Variants in GHR observed in about 807,000 individuals in gnomAD.
The protein encoded by GHR is growth hormone receptor, also known as GH receptor.
A neutral mutation model predicts 67.1 loss-of-function variants in GHR; 35 were observed. That is an observed-to-expected ratio of 0.52 (90% confidence interval 0.40 to 0.69). The LOEUF is 0.69. Ranked by LOEUF, GHR falls within the 30% of genes least tolerant of loss-of-function variation. GHR has a pLI of 0.00. For missense variants in GHR, 792 were observed against 764.6 expected (o/e 1.04, Z -0.42); for synonymous variants, 272 against 269.1 (o/e 1.01, Z -0.10).
chr5:42,423,511 C>T lies in GHR; in HGVS notation c.-456C>T, dbSNP rs945186397. 1.3e-5 allele frequency among the ~76,000 whole-genome samples: 2 copies of T among 152,216 alleles called. No homozygotes were observed. Among genetic ancestry groups the T allele is most frequent in the African/African-American group, 4.8e-5 (2 of 41,466 alleles). ...CATCCCAGCAACTCGGAATGCTTGG[C>T]CCGGGCGGCACTCGGCCTCTCCGCA... On this transcript the variant is annotated 5_prime_UTR_variant, in exon 1 of 10. Coordinates refer to ENST00000230882, the MANE Select transcript of GHR (RefSeq NM_000163.5).
At chr5:42,482,889 C>T (rs1379980912) in intron 1 of GHR, among the ~76,000 whole-genome samples, 1 of 152,198 alleles carries the variant, frequency 6.6e-6, no homozygotes, top group Non-Finnish European at 1.5e-5. Flanking sequence ...ACCCACTGTC[C>T]TGCACCCACT....
chr5:42,679,135 ATATAT>A (rs1310698933), intron 3 of GHR, among the ~76,000 whole-genome samples: 15 of 139,884 alleles, frequency 1.1e-4, no homozygotes, highest in Admixed American at 7.3e-4. Context: ...ATATTAATTA[ATATAT>A]TATATATTGT....
chr5:42,717,783 A>G (rs1758790303), intron 8 of GHR, among the ~76,000 whole-genome samples: 1 of 152,042 alleles, frequency 6.6e-6, no homozygotes, highest in Non-Finnish European at 1.5e-5. Flanking sequence ...CATTAAGAAA[A>G]AAACAATTGT....
intron 6 of GHR, among the ~76,000 whole-genome samples, chr5:42,709,690 A>G (rs748951844): frequency 1.3e-5 from 2 of 152,190 alleles, no homozygotes; most frequent in Non-Finnish European, 2.9e-5. Flanking sequence ...AATTTGCACA[A>G]TGAAACATAA....
chr5:42,655,612 T>G (rs1755216798), intron 3 of GHR, among the ~76,000 whole-genome samples: 1 of 152,184 alleles, frequency 6.6e-6, no homozygotes, highest in Non-Finnish European at 1.5e-5. Flanking sequence ...TATGTTTACA[T>G]ATTTGTAAGT....
chr5:42,458,485 G>C (rs915556888), intron 1 of GHR, among the ~76,000 whole-genome samples: 2 of 152,084 alleles, frequency 1.3e-5, no homozygotes, highest in African/African-American at 4.8e-5. Context: ...ACTTGAGATA[G>C]ATTAAAAACT....
At chr5:42,662,905 A>C (rs564970326) in intron 3 of GHR, among the ~76,000 whole-genome samples, 2 of 152,226 alleles carry the variant, frequency 1.3e-5, no homozygotes, top group Non-Finnish European at 2.9e-5. Flanking sequence ...AAAAATGATA[A>C]AGAGGATATC....
intron 5 of GHR, among the ~76,000 whole-genome samples, 162 bp downstream of exon 5, chr5:42,695,251 G>A (rs1344155206): frequency 6.6e-6 from 1 of 152,186 alleles, no homozygotes; most frequent in African/African-American, 2.4e-5. Flanking sequence ...TGAACAAGAG[G>A]AAAAGGGCAG....
chr5:42,686,392 C>A (rs1367296456), intron 3 of GHR, among the ~76,000 whole-genome samples: 2 of 152,036 alleles, frequency 1.3e-5, no homozygotes, highest in African/African-American at 2.4e-5. Flanking sequence ...AAATTTTAGA[C>A]CAATATCCCT....
At chr5:42,679,155 T>A (rs948491937) in intron 3 of GHR, among the ~76,000 whole-genome samples, 6 of 145,650 alleles carry the variant, frequency 4.1e-5, no homozygotes, top group Non-Finnish European at 9.0e-5. Flanking sequence ...TATTGTATAT[T>A]ATATATTAAT....
At position 42,534,124 on chromosome 5, in the gene GHR, A is replaced by G. The variant is rs530878146; in HGVS notation, c.-11-31740A>G. ...TATGTACGTATGTATATATGTATGT[A>G]TATATATGTACATATGTATATATGT... is the stretch of plus-strand genomic sequence containing the variant. On this transcript the variant is annotated intron_variant, in intron 1 of 9. Transcript: ENST00000230882. 5.0e-5 allele frequency among the ~76,000 whole-genome samples: 7 copies of G among 140,136 alleles called. No individual in the cohort carries two copies. The South Asian group carries it at 1.1e-3, about 22-fold the overall frequency. 91.9% of individuals were successfully genotyped at this position (140,136 alleles called of 152,430 possible). A position where few individuals can be genotyped will look rare whatever the true frequency, so the allele number is the denominator to read the frequency against.
At chr5:42,514,338 C>CACCA in intron 1 of GHR, 1 of 980,626 alleles carries the variant, frequency 1.0e-6, no homozygotes, top group Non-Finnish European at 1.2e-6. Flanking sequence ...TTGTTGAGAT[C>CACCA]TCCAGCCTTG....
intron 1 of GHR, among the ~76,000 whole-genome samples, chr5:42,508,757 G>T (rs549950674): frequency 6.4e-4 from 98 of 152,178 alleles, no homozygotes; most frequent in African/African-American, 2.3e-3. Context: ...GTATTTTTTA[G>T]TAGAGACGGG....
chr5:42,540,531 C>T (rs1561107512), intron 1 of GHR, among the ~76,000 whole-genome samples: 1 of 151,980 alleles, frequency 6.6e-6, no homozygotes, highest in African/African-American at 2.4e-5. Flanking sequence ...AGCCTAAAAC[C>T]TCTCTTTCTT....
chr5:42,443,104 A>C (rs1028192381), intron 1 of GHR, among the ~76,000 whole-genome samples: 2 of 152,178 alleles, frequency 1.3e-5, no homozygotes, highest in Non-Finnish European at 2.9e-5. Context: ...TCTGGCTACA[A>C]AGATTTGAAT....
At chr5:42,671,881 G>C (rs1373683412) in intron 3 of GHR, among the ~76,000 whole-genome samples, 1 of 150,732 alleles carries the variant, frequency 6.6e-6, no homozygotes, top group African/African-American at 2.4e-5. Flanking sequence ...GCGTGAACCC[G>C]GGAGGCGGAG....
chr5:42,430,961 GC>G (rs1482242096), intron 1 of GHR, among the ~76,000 whole-genome samples: 1 of 152,082 alleles, frequency 6.6e-6, no homozygotes, highest in Non-Finnish European at 1.5e-5. Context: ...TCCAAGCTCT[GC>G]CTTTAATGGG....
chr5:42,560,380 G>C (rs951158189), intron 1 of GHR, among the ~76,000 whole-genome samples: 1 of 152,102 alleles, frequency 6.6e-6, no homozygotes, highest in Non-Finnish European at 1.5e-5. Context: ...TTTTGGTAGA[G>C]ACGGGGTTTC....
At chr5:42,558,248 T>C (rs1021093911) in intron 1 of GHR, among the ~76,000 whole-genome samples, 3 of 152,240 alleles carry the variant, frequency 2.0e-5, no homozygotes, top group Non-Finnish European at 2.9e-5. Flanking sequence ...AGTGAATTTT[T>C]TGTCCCCATC....
Sources: allele counts gnomAD v4.1 joint callset (sites outside exome capture counted in the v4.1 genomes callset), GRCh38; gene constraint gnomAD v4.1.1; transcripts MANE v1.5; gene names NCBI Gene and HGNC (gene_info 2026-07-23, HGNC 2026-07-21).